The following NACC1 variants were observed in gnomAD, a reference collection of about 807,000 sequenced individuals.
NACC1 encodes nucleus accumbens-associated protein 1.
In NACC1, 6 loss-of-function variants were observed where a neutral mutation model predicts 41.7. The observed-to-expected ratio is 0.14, with a 90% CI of 0.08 to 0.28. The LOEUF is 0.28. NACC1 is among the 10% of genes least tolerant of loss of function. The pLI is 1.00. For missense variants in NACC1, 434 were observed against 763.7 expected, an observed-to-expected ratio of 0.57 and a Z score of 5.09; for synonymous variants, 338 against 330.6, an observed-to-expected ratio of 1.02 and a Z score of -0.24.
chr19:13,121,324 T>C (rs2019488973), intron 1 of NACC1, among the ~76,000 whole-genome samples: 1 of 151,734 alleles, frequency 6.6e-6, no homozygotes, highest in Non-Finnish European at 1.5e-5. Flanking sequence ...AGGGAAGGAG[T>C]GGGGGGATGA....
At chr19:13,123,220 C>T (rs2019520867) in intron 1 of NACC1, among the ~76,000 whole-genome samples, 1 of 152,184 alleles carries the variant, frequency 6.6e-6, no homozygotes, top group East Asian at 1.9e-4. Flanking sequence ...TCCCTCCACC[C>T]TTGGTTGCCG....
chr19:13,135,110 T>C (rs1481307304), intron 1 of NACC1, 90 bp from the exon 2 acceptor site: 1 of 1,444,214 alleles, frequency 6.9e-7, no homozygotes, highest in African/African-American at 1.4e-5. Flanking sequence ...GGGGAGGTCT[T>C]TGGGGCCAGG....
At chr19:13,119,047 G>T (rs1402520502) in intron 1 of NACC1, among the ~76,000 whole-genome samples, 1 of 149,386 alleles carries the variant, frequency 6.7e-6, no homozygotes, top group Non-Finnish European at 1.5e-5. Flanking sequence ...TTTTCCGGGG[G>T]TCACATGAGG....
chr19:13,125,295 C>T (rs2145614087), intron 1 of NACC1, among the ~76,000 whole-genome samples: 1 of 152,226 alleles, frequency 6.6e-6, no homozygotes, highest in Admixed American at 6.5e-5. Context: ...TAGATAGCAC[C>T]TTTTAGGTAT....
chr19:13,135,105 G>A, intron 1 of NACC1, 95 bp from the exon 2 acceptor site: 1 of 1,442,954 alleles, frequency 6.9e-7, no homozygotes, highest in African/African-American at 1.4e-5. Context: ...CAGCAGGGGA[G>A]GTCTTTGGGG....
At chr19:13,134,047 A>G (rs970923757) in intron 1 of NACC1, among the ~76,000 whole-genome samples, 5 of 151,992 alleles carry the variant, frequency 3.3e-5, no homozygotes, top group African/African-American at 1.2e-4. Flanking sequence ...GTTTTCATGT[A>G]AGTTATTTAT....
In NACC1 at chr19:13,118,273, G is replaced by C. The variant is rs1003663857; in HGVS notation, c.-190G>C. The stretch of plus-strand genomic sequence containing the variant: ...CTTGCGCTCGCTCGGCGCTCGGCTG[G>C]GGCGGCCTGGCCCACAATGAATGGC... On this transcript the variant is annotated 5_prime_UTR_variant, in exon 1 of 6. Coordinates refer to ENST00000292431, the MANE Select transcript of NACC1 (RefSeq NM_052876.4). 5 of 148,948 alleles carry C rather than the reference G, an allele frequency of 3.4e-5. No homozygotes were observed. The highest frequency in any genetic ancestry group is 7.3e-5 in the African/African-American group (3 of 41,132). 9.2% of individuals were successfully genotyped at this position (148,948 alleles called of 1,614,324 possible).
chr19:13,130,107 C>T (rs141379138), intron 1 of NACC1, among the ~76,000 whole-genome samples: 281 of 152,146 alleles, frequency 1.8e-3, no homozygotes, highest in Non-Finnish European at 3.5e-3. Context: ...GACAGGGTCT[C>T]GCTCTATGAC....
At position 13,136,148 on chromosome 19, in the gene NACC1, A is replaced by G; in HGVS notation, c.941A>G (p.Gln314Arg). 6.2e-7 allele frequency: 1 copy of G among 1,611,602 alleles called. No homozygotes were observed. Among genetic ancestry groups the G allele is most frequent in the Non-Finnish European group, 8.5e-7 (1 of 1,178,688 alleles). Residue 314 changes from glutamine to arginine, a missense_variant, in exon 2 of 6, where the codon CAG becomes CGG. Physicochemically the swap from Gln to Arg is conservative, Grantham distance 43. This residue lies in a region of NACC1 where 234 missense variants were observed against 308.3 expected (regional missense o/e 0.76). Transcript: ENST00000292431. This position sits in a 1 kb window ranked among gnomAD's most constrained non-coding sequence, Gnocchi z 5.5. ...ATGTACAGCATGATGAACGTCGGCC[A>G]GACAGGTGAGGTGCCGTCCTGTCCC... ...YTMYSMMNVGQTAEKVEALPE... is the reference protein window; with the variant it reads ...YTMYSMMNVGRTAEKVEALPE...
rs772435375 is a variant in NACC1, at chr19:13,135,906, C to T, written c.699C>T (p.Pro233=). ...QQAPVVAAAQ[P]AVAAGAGQPA... ...CTCCGGTGGTGGCAGCAGCCCAGCC[C>T]GCCGTGGCTGCGGGAGCAGGGCAGC... Residue 233 remains proline, a synonymous_variant, in exon 2 of 6, where the codon CCC becomes CCT. Transcript: ENST00000292431. 1.3e-5 allele frequency: 21 copies of T among 1,565,322 alleles called. 1 individual carries two copies. In the South Asian group the frequency reaches 1.4e-4, roughly 10 times the overall value.
intron 1 of NACC1, among the ~76,000 whole-genome samples, chr19:13,122,525 G>GT (rs1491425258): frequency 1.9e-4 from 9 of 47,054 alleles, no homozygotes; most frequent in South Asian, 7.3e-4. Flanking sequence ...GCCCCTGCCG[G>GT]GGGGGGGGGG....
Position 13,133,476 on chromosome 19 carries a change from T to C in NACC1, c.-8-1724T>C, listed in dbSNP as rs145256971. On this transcript the variant is annotated intron_variant, in intron 1 of 5. Coordinates refer to ENST00000292431, the MANE Select transcript of NACC1 (RefSeq NM_052876.4). ...GGCAACCACTAATCTGCCTCCTGTC[T>C]GCGTGGATTTGCCTGTCCTGGACAT... Among the ~76,000 whole-genome samples the C allele has an allele frequency of 2.9e-3, 445 of 152,224 alleles. 2 individuals are homozygous for C. The highest frequency in any genetic ancestry group is 0.01 in the African/African-American group (428 of 41,554).
At chr19:13,127,311 T>C (rs2019574594) in intron 1 of NACC1, among the ~76,000 whole-genome samples, 2 of 105,620 alleles carry the variant, frequency 1.9e-5, no homozygotes, top group Non-Finnish European at 3.4e-5. Context: ...GCCCAGGCAA[T>C]ATAGTGAGAT....
At position 13,138,423 on chromosome 19, in the gene NACC1, C is replaced by T. The variant is rs750852747; in HGVS notation, c.*17C>T. On this transcript the variant is annotated 3_prime_UTR_variant, in exon 6 of 6. Transcript: ENST00000292431. This position sits in a 1 kb window ranked among gnomAD's most constrained non-coding sequence, Gnocchi z 5.7. Reference sequence around the variant, plus strand: ...CTGCAGTAACCCGCCCAGCCTCCCGCGGGGCCACACACTTCCCCTCCCAAC... The same window carrying T: ...CTGCAGTAACCCGCCCAGCCTCCCGTGGGGCCACACACTTCCCCTCCCAAC... The T allele has an allele frequency of 1.2e-5, 20 of 1,604,712 alleles. No individual in the cohort carries two copies. Among genetic ancestry groups the T allele is most frequent in the Admixed American group, 6.7e-5 (4 of 59,930 alleles).
intron 1 of NACC1, among the ~76,000 whole-genome samples, chr19:13,122,610 C>T (rs1333252588): frequency 1.3e-5 from 2 of 151,790 alleles, no homozygotes; most frequent in African/African-American, 4.8e-5. Context: ...GGGCAGCCCC[C>T]ACCACAAAGA....
rs1209417365 is a variant in NACC1 at position 13,140,324 on chromosome 19, T to C, written c.*1918T>C. The C allele has an allele frequency of 6.6e-6, 1 of 152,510 alleles. No homozygotes were observed. Among genetic ancestry groups the C allele is most frequent in the Non-Finnish European group, 1.5e-5 (1 of 68,130 alleles). 9.4% of individuals were successfully genotyped at this position (152,510 alleles called of 1,614,324 possible). Reference sequence around the variant, plus strand: ...CCCCAAAGCACAATGCCCTGGTCACTTGGCAAGCGGCTGGGCCTGACGGAG... The same window carrying C: ...CCCCAAAGCACAATGCCCTGGTCACCTGGCAAGCGGCTGGGCCTGACGGAG... On this transcript the variant is annotated 3_prime_UTR_variant, in exon 6 of 6. Transcript: ENST00000292431. The surrounding 1 kb of genome is among the most constrained non-coding windows in gnomAD (Gnocchi z 4.0).
Position 13,137,251 on chromosome 19 carries a change from C to T in NACC1, c.1121-20C>T. 6.2e-7 allele frequency: 1 copy of T among 1,610,738 alleles called. No individual in the cohort carries two copies. ...CGGTTTGGGGGCACCCCAGGCCATC[C>T]TCCGGCTTCCTCTCACCAGGCACCA... On this transcript the variant is annotated intron_variant, in intron 3 of 5. Transcript: ENST00000292431. This position sits in a 1 kb window ranked among gnomAD's most constrained non-coding sequence, Gnocchi z 6.1.
Position 13,135,890 on chromosome 19 carries a change from T to C in NACC1, c.683T>C (p.Val228Ala), listed in dbSNP as rs2019697959. 4 of 1,559,452 alleles carry C rather than the reference T, an allele frequency of 2.6e-6. No individual in the cohort carries two copies. The highest frequency in any genetic ancestry group is 3.5e-6 in the Non-Finnish European group (4 of 1,154,416). Residue 228 changes from valine to alanine, a missense_variant, in exon 2 of 6, where the codon GTG (valine) becomes GCG (alanine). Physicochemically the swap from Val to Ala is moderately conservative, Grantham distance 64. Around this residue, in one of 4 missense-constraint regions of NACC1, gnomAD observed 234 missense variants for 308.3 expected, o/e 0.76. Coordinates refer to ENST00000292431, the MANE Select transcript of NACC1 (RefSeq NM_052876.4). ...CCGCCACCCCAACAGGCTCCGGTGG[T>C]GGCAGCAGCCCAGCCCGCCGTGGCT... ...QPPPPQQAPV[V>A]AAAQPAVAAG...
rs1376267069 is a variant in NACC1, at chr19:13,141,068, A to G, written c.*2662A>G. On this transcript the variant is annotated 3_prime_UTR_variant, in exon 6 of 6. Transcript: ENST00000292431. ...GATTGCACATTTAACTACTGTAAGG[A>G]GAGGAGCGGCGTTGGCAAATGTGAA... The G allele has an allele frequency of 6.6e-6, 1 of 152,550 alleles. No homozygotes were observed. Among genetic ancestry groups the G allele is most frequent in the Non-Finnish European group, 1.5e-5 (1 of 68,026 alleles). The allele number at this position is 152,550 out of a possible 1,614,324, so 9.4% of individuals were successfully genotyped here. A position where few individuals can be genotyped will look rare whatever the true frequency, so the allele number is the denominator to read the frequency against.
Sources: allele counts gnomAD v4.1 joint callset (sites outside exome capture counted in the v4.1 genomes callset), GRCh38; gene constraint gnomAD v4.1.1; regional missense constraint gnomAD v4.1.1; non-coding constraint Gnocchi (gnomAD v3.1); transcripts MANE v1.5; gene names NCBI Gene and HGNC (gene_info 2026-07-23, HGNC 2026-07-21).